The following PTPRD variants were observed in gnomAD, a reference collection of about 807,000 sequenced individuals.
PTPRD encodes the protein protein tyrosine phosphatase receptor type D.
PTPRD carries 34 observed loss-of-function variants against 214.5 expected under a neutral mutation model. That is an observed-to-expected ratio of 0.16 (90% confidence interval 0.12 to 0.21). The LOEUF (loss-of-function observed/expected upper bound fraction) is 0.21. Among genes scored for constraint, PTPRD ranks in the 10% least tolerant of loss-of-function variants. PTPRD has a pLI of 1.00. For missense variants in PTPRD, 2,545 were observed against 2,398.7 expected (o/e 1.06, Z -1.27); for synonymous variants, 1,128 against 845.7 (o/e 1.33, Z -5.79).
chr9:10,249,396 G>A (rs904549640), intron 3 of PTPRD, among the ~76,000 whole-genome samples: 1 of 151,980 alleles, frequency 6.6e-6, no homozygotes, highest in African/African-American at 2.4e-5. Flanking sequence ...AAGATCTATA[G>A]GAACCACGAG....
intron 30 of PTPRD, among the ~76,000 whole-genome samples, chr9:8,482,512 A>T (rs571167081): frequency 6.6e-6 from 1 of 152,196 alleles, no homozygotes. Context: ...AACCTGGCAT[A>T]GCAAGTTTCA....
intron 9 of PTPRD, among the ~76,000 whole-genome samples, chr9:9,187,706 T>C (rs897488193): frequency 6.6e-6 from 1 of 151,976 alleles, no homozygotes; most frequent in Non-Finnish European, 1.5e-5. Flanking sequence ...CAAATACTAC[T>C]GCAACCCACA....
chr9:9,619,641 T>C (rs900045821), intron 7 of PTPRD, among the ~76,000 whole-genome samples: 6 of 145,664 alleles, frequency 4.1e-5, no homozygotes, highest in African/African-American at 1.5e-4. Flanking sequence ...ATGTTAATAT[T>C]TATATTGTAT....
At chr9:10,430,780 T>C (rs893910429) in intron 2 of PTPRD, among the ~76,000 whole-genome samples, 1 of 151,962 alleles carries the variant, frequency 6.6e-6, no homozygotes, top group Non-Finnish European at 1.5e-5. Flanking sequence ...ATTTTAATAA[T>C]GATTAGTACA....
At chr9:10,536,143 C>A (rs1010552620) in intron 2 of PTPRD, among the ~76,000 whole-genome samples, 3 of 152,072 alleles carry the variant, frequency 2.0e-5, no homozygotes, top group Non-Finnish European at 4.4e-5. Flanking sequence ...TCTTCAGAGG[C>A]AGGACCAAGG....
At chr9:9,134,634 G>A (rs2099848101) in intron 10 of PTPRD, among the ~76,000 whole-genome samples, 1 of 152,202 alleles carries the variant, frequency 6.6e-6, no homozygotes, top group Middle Eastern at 3.2e-3. Context: ...ACAAGGCCCA[G>A]TGGAGACTCT....
intron 7 of PTPRD, among the ~76,000 whole-genome samples, chr9:9,641,652 G>A (rs2095958477): frequency 6.6e-6 from 1 of 152,110 alleles, no homozygotes; most frequent in Non-Finnish European, 1.5e-5. Context: ...GTTTTGCCTA[G>A]GCCTTTTCTG....
chr9:10,442,773 TAAG>T (rs946117128), intron 2 of PTPRD, among the ~76,000 whole-genome samples: 1 of 151,524 alleles, frequency 6.6e-6, no homozygotes, highest in African/African-American at 2.4e-5. Flanking sequence ...TCTATAATGA[TAAG>T]AAGTTAAAAC....
At chr9:8,387,725 A>G (rs545132270) in intron 37 of PTPRD, among the ~76,000 whole-genome samples, 102 of 152,294 alleles carry the variant, frequency 6.7e-4, no homozygotes, top group Non-Finnish European at 1.3e-3. Flanking sequence ...AAGCTTCTGT[A>G]ATGTTCTGGG....
At chr9:9,419,116 A>T (rs1021839565) in intron 8 of PTPRD, among the ~76,000 whole-genome samples, 2 of 137,296 alleles carry the variant, frequency 1.5e-5, no homozygotes, top group Non-Finnish European at 3.1e-5. Context: ...AATTCTAAAG[A>T]TAGGCCCCTT....
In PTPRD at chr9:8,465,450, A is replaced by T; in HGVS notation, c.3714+16T>A. 1 of 1,606,046 alleles carries T rather than the reference A, an allele frequency of 6.2e-7. No homozygotes were observed. The highest frequency in any genetic ancestry group is 8.5e-7 in the Non-Finnish European group (1 of 1,173,848). On this transcript the variant is annotated intron_variant, in intron 32 of 45. Transcript: ENST00000381196. ...AAGCGTACCATAGGAAACAGATGCC[A>T]TCATAATTAACTTACAGACTCTGCA...
intron 11 of PTPRD, among the ~76,000 whole-genome samples, chr9:8,940,616 T>A (rs1391291914): frequency 6.6e-6 from 1 of 151,792 alleles, no homozygotes; most frequent in Non-Finnish European, 1.5e-5. Context: ...AAAAAGGTTA[T>A]ACCTAATACA....
At chr9:9,283,419 G>T (rs1948412724) in intron 9 of PTPRD, among the ~76,000 whole-genome samples, 1 of 151,336 alleles carries the variant, frequency 6.6e-6, no homozygotes. Flanking sequence ...ACCCTTTACA[G>T]GTTCAATTAT....
intron 11 of PTPRD, among the ~76,000 whole-genome samples, chr9:8,820,341 T>C (rs1377858995): frequency 3.9e-5 from 6 of 152,146 alleles, no homozygotes; most frequent in Admixed American, 2.6e-4. Flanking sequence ...CCATAAGCCA[T>C]CTTTTCAACC....
At position 8,907,771 on chromosome 9, in the gene PTPRD, T is replaced by G. The variant is rs965545792; in HGVS notation, c.-104+110926A>C. 2.6e-5 allele frequency among the ~76,000 whole-genome samples: 4 copies of G among 151,750 alleles called. No homozygotes were observed. In the East Asian group the frequency reaches 7.7e-4, roughly 29 times the overall value. On this transcript the variant is annotated intron_variant, in intron 11 of 45. Transcript: ENST00000381196. ...AATATTCAATCTTAAGAGCAGAGAA[T>G]AAAAGATTGAAGAGAAATGAGTATA... is the stretch of plus-strand genomic sequence containing the variant.
intron 37 of PTPRD, among the ~76,000 whole-genome samples, chr9:8,386,313 T>A (rs2087014147): frequency 6.6e-6 from 1 of 152,168 alleles, no homozygotes; most frequent in African/African-American, 2.4e-5. Context: ...TCCTGCGTAA[T>A]ATCAAGCTAT....
chr9:9,824,394 T>G (rs2051930746), intron 5 of PTPRD, among the ~76,000 whole-genome samples: 1 of 152,054 alleles, frequency 6.6e-6, no homozygotes, highest in Non-Finnish European at 1.5e-5. Flanking sequence ...TGCTGTTTAC[T>G]TGAGAACTAA....
chr9:9,958,461 G>A (rs1042950308), intron 4 of PTPRD, among the ~76,000 whole-genome samples: 2 of 152,106 alleles, frequency 1.3e-5, no homozygotes, highest in Non-Finnish European at 2.9e-5. Flanking sequence ...AACCCAGGAG[G>A]CAGAGGTTGC....
At chr9:8,426,682 C>T (rs2094697665) in intron 35 of PTPRD, among the ~76,000 whole-genome samples, 1 of 151,780 alleles carries the variant, frequency 6.6e-6, no homozygotes, top group South Asian at 2.1e-4. Context: ...GACTGGGAAA[C>T]AGAAAACGAG....
Sources: gnomAD v4.1 joint callset for allele counts (sites outside exome capture counted in the v4.1 genomes callset) on GRCh38, gnomAD v4.1.1 for gene constraint, MANE v1.5 for transcripts, NCBI Gene and HGNC (gene_info 2026-07-23, HGNC 2026-07-21) for gene names.